Variants in WDR37 observed in about 807,000 individuals in gnomAD.
WDR37 encodes the protein WD repeat domain 37.
In WDR37, 19 loss-of-function variants were observed where a neutral mutation model predicts 62.9. The observed-to-expected ratio is 0.30, with a 90% CI of 0.21 to 0.44. WDR37 has a LOEUF of 0.44. WDR37 is among the 20% of genes least tolerant of loss of function. The pLI, the probability that WDR37 is intolerant of heterozygous loss-of-function variation, is 1.00. For synonymous variants in WDR37, 250 were observed against 260.9 expected (o/e 0.96, Z 0.40); for missense variants, 474 against 657.6 (o/e 0.72, Z 3.05).
At position 1,080,432 on chromosome 10, in the gene WDR37, C is replaced by T; in HGVS notation, c.352C>T (p.Leu118Phe). 6.2e-7 allele frequency: 1 copy of T among 1,614,172 alleles called. No individual in the cohort carries two copies. The highest frequency in any genetic ancestry group is 8.5e-7 in the Non-Finnish European group (1 of 1,180,042). The change falls in exon 5 of 14, where the codon CTC becomes TTC. Residue 118 changes from leucine to phenylalanine, a missense_variant. Leu to Phe is a conservative substitution (Grantham distance 22). Coordinates refer to ENST00000263150, the MANE Select transcript of WDR37 (RefSeq NM_014023.4). ...KTKASHSTSQ[L>F]SQKLKTTYKA... ...TGCAGCCAGTCACAGCACCAGCCAG[C>T]TCTCCCAGAAACTGAAGACCACTTA...
At chr10:1,071,020 G>A (rs939740129) in intron 1 of WDR37, among the ~76,000 whole-genome samples, 1 of 152,224 alleles carries the variant, frequency 6.6e-6, no homozygotes, top group African/African-American at 2.4e-5. Context: ...TGAGGCTCAG[G>A]CTATTGCTGT....
intron 11 of WDR37, among the ~76,000 whole-genome samples, chr10:1,122,303 G>A (rs185057874): frequency 3.5e-4 from 54 of 152,324 alleles, no homozygotes; most frequent in Admixed American, 2.9e-3. Context: ...TTATCATCTC[G>A]TAGGTATCTC....
chr10:1,125,435 C>T (rs1385363054), intron 13 of WDR37, among the ~76,000 whole-genome samples: 3 of 152,192 alleles, frequency 2.0e-5, no homozygotes, highest in Non-Finnish European at 2.9e-5. Context: ...GTCTTGAACT[C>T]CTGACCTCAG....
chr10:1,066,690 A>C (rs144884462), intron 1 of WDR37, among the ~76,000 whole-genome samples: 3 of 152,384 alleles, frequency 2.0e-5, no homozygotes, highest in African/African-American at 7.2e-5. Flanking sequence ...TGATTTTAAG[A>C]CATACAGAAC....
chr10:1,126,316 G>T (rs1376616282), intron 13 of WDR37, among the ~76,000 whole-genome samples: 3 of 149,822 alleles, frequency 2.0e-5, no homozygotes, highest in Non-Finnish European at 4.4e-5. Context: ...TGAGGCAGGA[G>T]AATGGCGTGA....
chr10:1,101,247 C>T (rs1229533843), intron 9 of WDR37, among the ~76,000 whole-genome samples: 1 of 152,186 alleles, frequency 6.6e-6, no homozygotes, highest in Non-Finnish European at 1.5e-5. Context: ...GATCCGTGTT[C>T]TAAACAACAG....
chr10:1,124,460 A>G (rs72760964), intron 12 of WDR37, 108 bp downstream of exon 12: 63,041 of 1,485,330 alleles, frequency 0.042, 2,442 homozygotes, highest in African/African-American at 0.2. Context: ...CCCGGGAACA[A>G]TGGTTTAGGC....
At chr10:1,084,381 A>C in intron 5 of WDR37, 22 bp from the exon 6 acceptor site, 1 of 1,599,276 alleles carries the variant, frequency 6.3e-7, no homozygotes, top group Admixed American at 1.7e-5. Flanking sequence ...TTGTTTCACA[A>C]GACTCCCCAT....
intron 13 of WDR37, among the ~76,000 whole-genome samples, chr10:1,125,371 G>A (rs11250273): frequency 0.53 from 79,891 of 151,906 alleles, 22,555 homozygotes; most frequent in Middle Eastern, 0.68. Flanking sequence ...TTACAGGCAT[G>A]CGCCACCACG....
intron 11 of WDR37, among the ~76,000 whole-genome samples, chr10:1,108,029 A>G (rs1321464489): frequency 3.9e-5 from 6 of 152,266 alleles, no homozygotes; most frequent in Admixed American, 6.5e-5. Context: ...CTCTGTCTAT[A>G]ACACACACTT....
chr10:1,089,361 A>G (rs1834306810), intron 7 of WDR37, among the ~76,000 whole-genome samples: 1 of 151,978 alleles, frequency 6.6e-6, no homozygotes, highest in South Asian at 2.1e-4. Flanking sequence ...TGGGGCTTCC[A>G]GTGCTTCCCT....
At chr10:1,116,684 G>GT (rs1264015204) in intron 11 of WDR37, among the ~76,000 whole-genome samples, 1 of 152,232 alleles carries the variant, frequency 6.6e-6, no homozygotes, top group African/African-American at 2.4e-5. Flanking sequence ...AGCTTTGCTG[G>GT]TTGGCCTGAG....
At chr10:1,067,529 A>G (rs1663161560) in intron 1 of WDR37, among the ~76,000 whole-genome samples, 1 of 152,244 alleles carries the variant, frequency 6.6e-6, no homozygotes, top group Non-Finnish European at 1.5e-5. Flanking sequence ...GTGACATATA[A>G]TTCATACTAT....
At chr10:1,102,034 T>C (rs11816485) in intron 9 of WDR37, among the ~76,000 whole-genome samples, 12,035 of 151,900 alleles carry the variant, frequency 0.079, 400 homozygotes, top group East Asian at 0.1. Flanking sequence ...TGTGCGTCCC[T>C]GTGACGTGCG....
intron 5 of WDR37, among the ~76,000 whole-genome samples, chr10:1,080,698 G>A (rs963097412): frequency 7.2e-5 from 11 of 152,150 alleles, no homozygotes; most frequent in Non-Finnish European, 1.3e-4. Flanking sequence ...TTGAGGTCAG[G>A]AGTTTGAGAC....
At chr10:1,071,227 G>T (rs1833718853) in intron 1 of WDR37, among the ~76,000 whole-genome samples, 1 of 152,200 alleles carries the variant, frequency 6.6e-6, no homozygotes, top group Non-Finnish European at 1.5e-5. Context: ...TCGTGGGCGT[G>T]TCCTGCTTTG....
chr10:1,090,390 T>C (rs7076083), intron 7 of WDR37, among the ~76,000 whole-genome samples: 63,695 of 152,054 alleles, frequency 0.42, 13,956 homozygotes, highest in African/African-American at 0.55. Flanking sequence ...AACTCCTGAC[T>C]TCAGGTGATC....
At chr10:1,060,166 G>T (rs1232221696) in intron 1 of WDR37, among the ~76,000 whole-genome samples, 3 of 152,204 alleles carry the variant, frequency 2.0e-5, no homozygotes, top group Non-Finnish European at 4.4e-5. Flanking sequence ...TAAAGATGAG[G>T]AATTCAGCTT....
intron 2 of WDR37, among the ~76,000 whole-genome samples, chr10:1,073,345 C>T (rs1268984185): frequency 6.6e-6 from 1 of 152,208 alleles, no homozygotes; most frequent in East Asian, 1.9e-4. Flanking sequence ...TTTGTTAGGA[C>T]CATGTGGGTA....
Sources: allele counts gnomAD v4.1 joint callset (sites outside exome capture counted in the v4.1 genomes callset), GRCh38; gene constraint gnomAD v4.1.1; transcripts MANE v1.5; gene names NCBI Gene and HGNC (gene_info 2026-07-23, HGNC 2026-07-21).